The following PRPSAP2 variants were observed in gnomAD, a reference collection of about 807,000 sequenced individuals.
PRPSAP2 encodes the protein phosphoribosyl pyrophosphate synthetase associated protein 2.
PRPSAP2 carries 24 observed loss-of-function variants against 40.6 expected under a neutral mutation model. The ratio of observed to expected loss-of-function variants is 0.59; its 90% CI spans 0.43 to 0.83. The LOEUF is 0.83. Among genes scored for constraint, PRPSAP2 ranks in the 40% least tolerant of loss-of-function variants. PRPSAP2 has a pLI of 0.00. For missense variants in PRPSAP2, 292 were observed against 465.6 expected, an observed-to-expected ratio of 0.63 and a Z score of 3.43; for synonymous variants, 149 against 164.7, an observed-to-expected ratio of 0.90 and a Z score of 0.73.
upstream of PRPSAP2, among the ~76,000 whole-genome samples, chr17:18,857,632 G>C (rs1446311533): frequency 1.3e-5 from 2 of 150,844 alleles, no homozygotes; most frequent in African/African-American, 4.9e-5. Context: ...ATGTTGGTCA[G>C]GCTGGTCTCG....
chr17:18,914,249 CTTTTTTTTTT>C (rs60892883), intron 9 of PRPSAP2, among the ~76,000 whole-genome samples: 3 of 48,104 alleles, frequency 6.2e-5, no homozygotes, highest in Admixed American at 3.5e-4. Flanking sequence ...CATGTTTTTG[CTTTTTTTTTT>C]TTTTTTTTTT....
intron 9 of PRPSAP2, chr17:18,917,512 T>A (rs923653716): frequency 2.9e-4 from 42 of 147,174 alleles, no homozygotes; most frequent in Non-Finnish European, 3.0e-5. Flanking sequence ...TAGCTGGGAC[T>A]ACCGGTACAT....
intron 6 of PRPSAP2, among the ~76,000 whole-genome samples, chr17:18,880,744 G>A (rs1351622449): frequency 6.6e-6 from 1 of 151,928 alleles, no homozygotes; most frequent in East Asian, 1.9e-4. Flanking sequence ...TGCCATGCCT[G>A]TTAAACTTCA....
intron 8 of PRPSAP2, among the ~76,000 whole-genome samples, chr17:18,899,519 GTTT>G (rs574203117): frequency 3.0e-3 from 184 of 60,550 alleles, no homozygotes; most frequent in African/African-American, 0.012. Flanking sequence ...ATCCAACTGA[GTTT>G]TTTTTTTTTT....
intron 9 of PRPSAP2, among the ~76,000 whole-genome samples, chr17:18,920,246 T>G (rs2041620541): frequency 6.6e-6 from 1 of 152,216 alleles, no homozygotes; most frequent in African/African-American, 2.4e-5. Flanking sequence ...TGAACGCTGC[T>G]TCTTTGGAAC....
intron 4 of PRPSAP2, among the ~76,000 whole-genome samples, chr17:18,871,156 A>C (rs1597543705): frequency 6.6e-6 from 1 of 151,982 alleles, no homozygotes; most frequent in Non-Finnish European, 1.5e-5. Flanking sequence ...AGTAGCTGGG[A>C]TTATAGGTGT....
chr17:18,929,609 T>C (rs1597791322), intron 11 of PRPSAP2: 2 of 152,160 alleles, frequency 1.3e-5, no homozygotes, highest in African/African-American at 4.8e-5. Flanking sequence ...GATTATACAA[T>C]GTGTGGTCTT....
chr17:18,927,883 A>G (rs2042052671), intron 10 of PRPSAP2, among the ~76,000 whole-genome samples: 1 of 152,068 alleles, frequency 6.6e-6, no homozygotes, highest in Non-Finnish European at 1.5e-5. Context: ...GGCTAAAGCA[A>G]TCCTCCTGCC....
intron 7 of PRPSAP2, among the ~76,000 whole-genome samples, chr17:18,885,713 G>A (rs1162414440): frequency 6.6e-6 from 1 of 151,836 alleles, no homozygotes; most frequent in East Asian, 1.9e-4. Flanking sequence ...TCAGCCTCCC[G>A]AGTAGCTGGG....
At chr17:18,910,029 T>C (rs976161706) in intron 8 of PRPSAP2, among the ~76,000 whole-genome samples, 3 of 152,206 alleles carry the variant, frequency 2.0e-5, no homozygotes, top group African/African-American at 7.2e-5. Flanking sequence ...TACACTGTGA[T>C]ATATTCACCC....
In PRPSAP2 at chr17:18,911,339, G is replaced by GT. The variant is rs753279969; in HGVS notation, c.733+97dup. 55 of 1,366,576 alleles carry GT rather than the reference G, an allele frequency of 4.0e-5. No individual in the cohort carries two copies. The highest frequency in any genetic ancestry group is 2.9e-4 in the Admixed American group (11 of 38,394). The allele number at this position is 1,366,576 out of a possible 1,614,324, so 84.7% of individuals were successfully genotyped here. A position where few individuals can be genotyped will look rare whatever the true frequency, so the allele number is the denominator to read the frequency against. The stretch of plus-strand genomic sequence containing the variant: ...TGTGTGGTTTTTTTCCTCATTCTTC[G>GT]TTTTTTTTTAGTTGGCAAAAACTCA... On this transcript the variant is annotated intron_variant, in intron 9 of 11. Transcript: ENST00000268835. This position sits in a 1 kb window ranked among gnomAD's most constrained non-coding sequence, Gnocchi z 4.5.
chr17:18,929,084 C>T, intron 11 of PRPSAP2, 127 bp downstream of exon 11: 1 of 1,359,406 alleles, frequency 7.4e-7, no homozygotes, highest in Non-Finnish European at 9.9e-7. Flanking sequence ...GGGCTGGGTG[C>T]AGTGGTTCAC....
intron 1 of PRPSAP2, chr17:18,864,769 C>T (rs985825648): frequency 6.6e-6 from 1 of 152,234 alleles, no homozygotes. Context: ...AAAGGGCCCC[C>T]CTGCCCACAG....
Position 18,877,850 on chromosome 17 carries a change from C to T in PRPSAP2, c.392C>T (p.Ala131Val), listed in dbSNP as rs376319376. 1 of 1,610,740 alleles carries T rather than the reference C, an allele frequency of 6.2e-7. No individual in the cohort carries two copies. Among genetic ancestry groups the T allele is most frequent in the Non-Finnish European group, 8.5e-7 (1 of 1,178,902 alleles). The change falls in exon 6 of 12, where the codon GCT (alanine) becomes GTT (valine). Residue 131 changes from alanine (A) to valine (V), a missense_variant. Around this residue, in one of 2 missense-constraint regions of PRPSAP2, gnomAD observed 241 missense variants for 425.7 expected, o/e 0.57. Coordinates refer to ENST00000268835, the MANE Select transcript of PRPSAP2 (RefSeq NM_002767.4). The stretch of plus-strand genomic sequence containing the variant: ...GGCTCCATTGTCTCTAAATTGCTGG[C>T]TTCCATGATGTGCAAAGCTGGTAAG... The part of the protein sequence containing the change: ...KRGSIVSKLL[A>V]SMMCKAGLTH...
chr17:18,922,591 A>T (rs2041744168), intron 9 of PRPSAP2, among the ~76,000 whole-genome samples: 1 of 151,324 alleles, frequency 6.6e-6, no homozygotes, highest in Non-Finnish European at 1.5e-5. Flanking sequence ...CCCATTTTTG[A>T]ACTAGGTTTG....
intron 7 of PRPSAP2, among the ~76,000 whole-genome samples, chr17:18,889,601 T>C (rs929616233): frequency 5.3e-5 from 8 of 152,224 alleles, no homozygotes; most frequent in African/African-American, 7.2e-5. Flanking sequence ...TAAGAGCTAA[T>C]CACCAATTAT....
At chr17:18,919,388 A>G (rs1366042044) in intron 9 of PRPSAP2, among the ~76,000 whole-genome samples, 2 of 152,080 alleles carry the variant, frequency 1.3e-5, no homozygotes, top group Non-Finnish European at 2.9e-5. Context: ...CGTGCCTGTA[A>G]TCGCAGCTAC....
intron 8 of PRPSAP2, among the ~76,000 whole-genome samples, chr17:18,897,411 G>A (rs1478302869): frequency 6.6e-6 from 1 of 151,878 alleles, no homozygotes; most frequent in African/African-American, 2.4e-5. Flanking sequence ...GATTTTTTAG[G>A]GTCCTTATTC....
At chr17:18,896,779 T>C (rs4924940) in intron 8 of PRPSAP2, among the ~76,000 whole-genome samples, 80,239 of 151,662 alleles carry the variant, frequency 0.53, 21,480 homozygotes, top group Middle Eastern at 0.6. Context: ...ATAATAGTGA[T>C]GGTTACCTGA....
Sources: gnomAD v4.1 joint callset for allele counts (sites outside exome capture counted in the v4.1 genomes callset) on GRCh38, gnomAD v4.1.1 for gene constraint, gnomAD v4.1.1 regional missense constraint, Gnocchi (gnomAD v3.1) non-coding constraint, MANE v1.5 for transcripts, NCBI Gene and HGNC (gene_info 2026-07-23, HGNC 2026-07-21) for gene names.